CD44: variants seen among roughly 807,000 people sequenced by gnomAD.
The protein encoded by CD44 is CD44 antigen.
CD44 carries 49 observed loss-of-function variants against 88.8 expected under a neutral mutation model. That is an observed-to-expected ratio of 0.55 (90% CI 0.44 to 0.70). The LOEUF (loss-of-function observed/expected upper bound fraction) is 0.70, where lower values mean the gene tolerates loss of function less well. Among genes scored for constraint, CD44 ranks in the 30% least tolerant of loss-of-function variants. The probability of loss-of-function intolerance (pLI) is 0.00; values close to 1 mark genes in which losing one functional copy is unlikely to be tolerated. For missense variants in CD44, 883 were observed against 913.8 expected, an observed-to-expected ratio of 0.97 and a Z score of 0.43; for synonymous variants, 325 against 312.3, an observed-to-expected ratio of 1.04 and a Z score of -0.43.
At chr11:35,199,653 AT>A (rs369231906) in intron 7 of CD44, among the ~76,000 whole-genome samples, 309 of 150,316 alleles carry the variant, frequency 2.1e-3, no homozygotes, top group African/African-American at 6.8e-3. Flanking sequence ...CTTTTAAGTG[AT>A]TTTTTTTTTA....
At chr11:35,227,588 A>G (rs550472190) in intron 17 of CD44, among the ~76,000 whole-genome samples, 34 of 152,266 alleles carry the variant, frequency 2.2e-4, no homozygotes, top group Admixed American at 1.5e-3. Flanking sequence ...CCAACCCCTC[A>G]TCAAGCCTTA....
chr11:35,163,820 C>T (rs1338107263), intron 1 of CD44, among the ~76,000 whole-genome samples: 1 of 152,104 alleles, frequency 6.6e-6, no homozygotes, highest in Non-Finnish European at 1.5e-5. Flanking sequence ...CTGTACCCTC[C>T]TAAAGTCAAG....
chr11:35,217,101 C>T (rs201934126), intron 15 of CD44, among the ~76,000 whole-genome samples: 1 of 149,064 alleles, frequency 6.7e-6, no homozygotes. Context: ...CAAGGCAAGA[C>T]CTGCTATCTC....
intron 7 of CD44, chr11:35,200,510 T>G (rs1357050493): frequency 6.5e-6 from 1 of 153,446 alleles, no homozygotes; most frequent in Admixed American, 6.4e-5. Flanking sequence ...TATTCAGAAA[T>G]GTATCGCTAA....
Position 35,152,592 on chromosome 11 carries a change from C to T in CD44, c.67+13222C>T, listed in dbSNP as rs1452137695. 5.9e-5 allele frequency among the ~76,000 whole-genome samples: 9 copies of T among 152,202 alleles called. No individual in the cohort carries two copies. The South Asian group carries it at 1.2e-3, about 21-fold the overall frequency. ...TGTTTTGTGCTAGTAGGCAGAAACA[C>T]GTGATATAAAACTACAAGGTCCTAT... is the stretch of plus-strand genomic sequence containing the variant. On this transcript the variant is annotated intron_variant, in intron 1 of 17. Coordinates refer to ENST00000428726, the MANE Select transcript of CD44 (RefSeq NM_000610.4).
chr11:35,193,302 T>C (rs1946449663), intron 5 of CD44, among the ~76,000 whole-genome samples: 1 of 152,226 alleles, frequency 6.6e-6, no homozygotes, highest in Non-Finnish European at 1.5e-5. Flanking sequence ...TGAATTTTTG[T>C]TGGGCCACAT....
intron 13 of CD44, 42 bp downstream of exon 13, chr11:35,210,096 A>G (rs1179397811): frequency 1.8e-6 from 2 of 1,139,936 alleles, no homozygotes; most frequent in Non-Finnish European, 2.5e-6. Flanking sequence ...TATTGATAAG[A>G]ATCAATCAAT....
intron 11 of CD44, among the ~76,000 whole-genome samples, chr11:35,207,636 T>G (rs1053427403): frequency 1.3e-5 from 2 of 152,194 alleles, no homozygotes; most frequent in African/African-American, 2.4e-5. Context: ...ATTCTGTTTA[T>G]TTGCATATTC....
intron 1 of CD44, among the ~76,000 whole-genome samples, chr11:35,141,126 A>G (rs574191230): frequency 1.3e-5 from 2 of 152,184 alleles, no homozygotes; most frequent in Non-Finnish European, 2.9e-5. Flanking sequence ...TACCCTCACA[A>G]TGGCCTAGTA....
rs1195213056 is a variant in CD44 at position 35,210,070 on chromosome 11, C to T, written c.1606+16C>T. Reference sequence around the variant, plus strand: ...ACATCAAGCAGTAAGGATTATAAAACCTAGTTGGCTTCAGCTATTGATAAG... The same window carrying T: ...ACATCAAGCAGTAAGGATTATAAAATCTAGTTGGCTTCAGCTATTGATAAG... On this transcript the variant is annotated intron_variant, in intron 13 of 17. Transcript: ENST00000428726. 2.1e-6 allele frequency: 3 copies of T among 1,447,660 alleles called. No individual in the cohort carries two copies. The highest frequency in any genetic ancestry group is 2.4e-5 in the Admixed American group (1 of 40,952). The allele number at this position is 1,447,660 out of a possible 1,614,324, so 89.7% of individuals were successfully genotyped here. A position where few individuals can be genotyped will look rare whatever the true frequency, so the allele number is the denominator to read the frequency against.
intron 1 of CD44, among the ~76,000 whole-genome samples, chr11:35,161,754 G>C (rs2133350805): frequency 6.6e-6 from 1 of 152,298 alleles, no homozygotes; most frequent in Admixed American, 6.5e-5. Context: ...ACCCTACTGA[G>C]TCTGAATTCT....
chr11:35,217,731 A>G (rs541287269), intron 15 of CD44, among the ~76,000 whole-genome samples: 1 of 152,284 alleles, frequency 6.6e-6, no homozygotes, highest in South Asian at 2.1e-4. Flanking sequence ...GAAAGCTCTC[A>G]TTTAAGACCC....
chr11:35,157,227 G>A (rs1302754075), intron 1 of CD44, among the ~76,000 whole-genome samples: 1 of 152,106 alleles, frequency 6.6e-6, no homozygotes, highest in African/African-American at 2.4e-5. Flanking sequence ...ATTTTGATGG[G>A]ATTGTGACTT....
chr11:35,156,473 A>G (rs1941882909), intron 1 of CD44, among the ~76,000 whole-genome samples: 1 of 152,208 alleles, frequency 6.6e-6, no homozygotes, highest in African/African-American at 2.4e-5. Flanking sequence ...GATCTAAAGG[A>G]AATGGATTCT....
At chr11:35,185,606 A>G (rs1945588952) in intron 3 of CD44, among the ~76,000 whole-genome samples, 2 of 152,062 alleles carry the variant, frequency 1.3e-5, no homozygotes, top group South Asian at 4.1e-4. Context: ...CTATCCATCC[A>G]TCTCCATCCA....
chr11:35,182,838 G>A (rs1269934132), intron 3 of CD44, among the ~76,000 whole-genome samples: 3 of 152,284 alleles, frequency 2.0e-5, no homozygotes, highest in East Asian at 1.9e-4. Context: ...TTATGTAGTT[G>A]CATACCCACA....
intron 12 of CD44, among the ~76,000 whole-genome samples, chr11:35,208,620 T>G (rs1948115169): frequency 6.6e-6 from 1 of 152,168 alleles, no homozygotes. Flanking sequence ...AAGACATTTT[T>G]GGGGCCAGAT....
At chr11:35,171,760 T>C (rs1943922283) in intron 1 of CD44, among the ~76,000 whole-genome samples, 1 of 152,224 alleles carries the variant, frequency 6.6e-6, no homozygotes, top group South Asian at 2.1e-4. Flanking sequence ...CCTGGGAATT[T>C]AATCACATCA....
intron 1 of CD44, among the ~76,000 whole-genome samples, chr11:35,141,306 CT>C (rs1274541013): frequency 6.6e-6 from 1 of 152,080 alleles, no homozygotes; most frequent in Non-Finnish European, 1.5e-5. Context: ...GATGGACGAA[CT>C]TGGAAGGATT....
Sources: allele counts gnomAD v4.1 joint callset (sites outside exome capture counted in the v4.1 genomes callset), GRCh38; gene constraint gnomAD v4.1.1; transcripts MANE v1.5; gene names NCBI Gene and HGNC (gene_info 2026-07-23, HGNC 2026-07-21).